Variants in THRB observed in about 807,000 individuals in gnomAD.
The protein encoded by THRB is nuclear receptor subfamily 1 group A member 2.
Under a neutral mutation model 47.8 loss-of-function variants are expected in THRB, and 12 were observed. The ratio of observed to expected loss-of-function variants is 0.25; its 90% CI spans 0.16 to 0.41. THRB has a LOEUF of 0.41. Ranked by LOEUF, THRB falls within the 10% of genes least tolerant of loss-of-function variation. THRB has a pLI of 1.00. For synonymous variants in THRB, 218 were observed against 212.2 expected, an observed-to-expected ratio of 1.03 and a Z score of -0.24; for missense variants, 348 against 589.2, an observed-to-expected ratio of 0.59 and a Z score of 4.24.
intron 3 of THRB, among the ~76,000 whole-genome samples, chr3:24,258,149 G>T (rs912456709): frequency 1.3e-5 from 2 of 152,200 alleles, no homozygotes; most frequent in African/African-American, 4.8e-5. Context: ...CAAGAGGCAG[G>T]ATTAGGCACA....
At chr3:24,352,200 C>A (rs935829020) in intron 1 of THRB, among the ~76,000 whole-genome samples, 8 of 152,134 alleles carry the variant, frequency 5.3e-5, no homozygotes, top group African/African-American at 1.9e-4. Flanking sequence ...AACACAGGAA[C>A]AAATTTAACC....
intron 1 of THRB, among the ~76,000 whole-genome samples, chr3:24,346,569 C>T (rs938088869): frequency 6.6e-6 from 1 of 151,798 alleles, no homozygotes; most frequent in African/African-American, 2.4e-5. Context: ...TTAACTGAGA[C>T]ACTTTTGATA....
chr3:24,465,875 C>T (rs948170643), intron 1 of THRB, among the ~76,000 whole-genome samples: 1 of 152,162 alleles, frequency 6.6e-6, no homozygotes, highest in African/African-American at 2.4e-5. Flanking sequence ...TATACTTTCA[C>T]GTGGCTTAAA....
At chr3:24,252,262 CAG>C (rs1183595541) in intron 3 of THRB, among the ~76,000 whole-genome samples, 1 of 152,082 alleles carries the variant, frequency 6.6e-6, no homozygotes. Flanking sequence ...GTAATTAAAA[CAG>C]TGCAGTATTG....
rs374548837 is a variant in THRB at position 24,471,790 on chromosome 3, C to T, written c.-261+22862G>A. On this transcript the variant is annotated intron_variant, in intron 1 of 10. Coordinates refer to ENST00000646209, the MANE Select transcript of THRB (RefSeq NM_001354712.2). ...AAATTTCCTAAATACTATCAGCCTG[C>T]ATATCTCCATTTTATCCAAGATTAC... 1.6e-4 allele frequency among the ~76,000 whole-genome samples: 25 copies of T among 152,298 alleles called. No homozygotes were observed. In the East Asian group the frequency reaches 3.1e-3, roughly 19 times the overall value.
At chr3:24,261,518 AC>A (rs369669701) in intron 3 of THRB, among the ~76,000 whole-genome samples, 3,696 of 128,246 alleles carry the variant, frequency 0.029, 85 homozygotes, top group East Asian at 0.091. Context: ...AAAAAAAAAA[AC>A]CAAAAAAAAC....
In THRB at chr3:24,281,690, A is replaced by G. The variant is rs1023264736; in HGVS notation, c.-43+15536T>C. Reference sequence around the variant, plus strand: ...TCAGTGTGCTGTATTCAGGAAACCCATCTCACGTGCAGAGACACACATAGG... The same window carrying G: ...TCAGTGTGCTGTATTCAGGAAACCCGTCTCACGTGCAGAGACACACATAGG... On this transcript the variant is annotated intron_variant, in intron 3 of 10. Transcript: ENST00000646209. 2.3e-4 allele frequency among the ~76,000 whole-genome samples: 22 copies of G among 97,090 alleles called. 3 individuals carry two copies. The highest frequency in any genetic ancestry group is 4.2e-4 in the Non-Finnish European group (18 of 42,380). 63.7% of individuals were successfully genotyped at this position (97,090 alleles called of 152,430 possible). A position where few individuals can be genotyped will look rare whatever the true frequency, so the allele number is the denominator to read the frequency against.
chr3:24,316,915 G>A (rs920401023), intron 2 of THRB, among the ~76,000 whole-genome samples: 14 of 152,154 alleles, frequency 9.2e-5, no homozygotes, highest in Admixed American at 2.0e-4. Context: ...GGCTGAGCCC[G>A]TATTTCAGGC....
intron 4 of THRB, among the ~76,000 whole-genome samples, chr3:24,207,271 G>A (rs2045487637): frequency 6.6e-6 from 1 of 152,166 alleles, no homozygotes; most frequent in Non-Finnish European, 1.5e-5. Context: ...ACTGAATCCA[G>A]CAGCGCATCA....
intron 5 of THRB, among the ~76,000 whole-genome samples, chr3:24,185,150 G>T (rs1407592979): frequency 6.6e-6 from 1 of 152,090 alleles, no homozygotes; most frequent in African/African-American, 2.4e-5. Flanking sequence ...ACTTTAACTT[G>T]TCTAAATCTT....
intron 4 of THRB, among the ~76,000 whole-genome samples, chr3:24,217,953 T>C (rs768393345): frequency 1.8e-4 from 28 of 152,232 alleles, no homozygotes; most frequent in Non-Finnish European, 2.8e-4. Flanking sequence ...ATCTTATGTT[T>C]AGATTACTGC....
rs73823277 is a variant in THRB, at chr3:24,277,059, A to G, written c.-43+20167T>C. On this transcript the variant is annotated intron_variant, in intron 3 of 10. Coordinates refer to ENST00000646209, the MANE Select transcript of THRB (RefSeq NM_001354712.2). ...CTTTCAAAGGCAGAAGGGAAAGCAA[A>G]TATCTTACACTGGTAACAATCGTAG... Among the ~76,000 whole-genome samples the G allele has an allele frequency of 8.4e-3, 1,282 of 152,302 alleles. 22 individuals carry two copies. Among genetic ancestry groups the G allele is most frequent in the African/African-American group, 0.029 (1,200 of 41,572 alleles).
At chr3:24,160,717 G>T (rs1559482563) in intron 5 of THRB, among the ~76,000 whole-genome samples, 1 of 152,190 alleles carries the variant, frequency 6.6e-6, no homozygotes, top group South Asian at 2.1e-4. Flanking sequence ...AGCAGAGTGG[G>T]TGGTAGGGCG....
At chr3:24,132,575 T>G (rs2034034857) in intron 9 of THRB, among the ~76,000 whole-genome samples, 1 of 152,210 alleles carries the variant, frequency 6.6e-6, no homozygotes, top group Non-Finnish European at 1.5e-5. Context: ...GTAACTTGTT[T>G]AGGATTCTTG....
At chr3:24,181,101 G>A (rs1170395437) in intron 5 of THRB, among the ~76,000 whole-genome samples, 1 of 152,234 alleles carries the variant, frequency 6.6e-6, no homozygotes, top group Non-Finnish European at 1.5e-5. Context: ...CTCAAGGGAA[G>A]TAAGGACACT....
At chr3:24,154,635 T>C (rs1263111161) in intron 5 of THRB, among the ~76,000 whole-genome samples, 1 of 152,222 alleles carries the variant, frequency 6.6e-6, no homozygotes, top group Non-Finnish European at 1.5e-5. Flanking sequence ...GGTGTGCTCA[T>C]GTGCTTTTGT....
intron 3 of THRB, among the ~76,000 whole-genome samples, chr3:24,234,666 A>T (rs938965500): frequency 3.3e-5 from 5 of 152,200 alleles, no homozygotes; most frequent in Non-Finnish European, 7.4e-5. Context: ...GGGGCAGAAG[A>T]GCTGAACAAG....
At chr3:24,312,621 A>G (rs1394649831) in intron 2 of THRB, among the ~76,000 whole-genome samples, 1 of 152,136 alleles carries the variant, frequency 6.6e-6, no homozygotes, top group Non-Finnish European at 1.5e-5. Flanking sequence ...TATATCCTTC[A>G]ATAATTTTCA....
chr3:24,439,602 C>T (rs1251760236), intron 1 of THRB, among the ~76,000 whole-genome samples: 1 of 152,212 alleles, frequency 6.6e-6, no homozygotes, highest in Non-Finnish European at 1.5e-5. Flanking sequence ...TTCTGTTTTC[C>T]TCCATCCAAA....
Sources: gnomAD v4.1 joint callset for allele counts (sites outside exome capture counted in the v4.1 genomes callset) on GRCh38, gnomAD v4.1.1 for gene constraint, MANE v1.5 for transcripts, NCBI Gene and HGNC (gene_info 2026-07-23, HGNC 2026-07-21) for gene names.